PUDP: variants seen among roughly 807,000 people sequenced by gnomAD.
PUDP encodes the protein pseudouridine 5'-phosphatase, also known as pseudouridine-5'-phosphatase.
In PUDP, 8 loss-of-function variants were observed where a neutral mutation model predicts 9.4. That is an observed-to-expected ratio of 0.85 (90% CI 0.50 to 1.53). The LOEUF (loss-of-function observed/expected upper bound fraction) is 1.53, where lower values mean the gene tolerates loss of function less well. Ranked by LOEUF, PUDP falls within the 40% of genes most tolerant of loss-of-function variation. The probability of loss-of-function intolerance (pLI) is 0.00; values close to 1 mark genes in which losing one functional copy is unlikely to be tolerated. For synonymous variants in PUDP, 99 were observed against 80.7 expected (o/e 1.23, Z -1.22); for missense variants, 188 against 189.7 (o/e 0.99, Z 0.05).
In PUDP at chrX:7,140,791, C is replaced by T. The variant is rs527427139; in HGVS notation, c.61+7262G>A. On this transcript the variant is annotated intron_variant, in intron 1 of 3. Transcript: ENST00000381077. ...AAATTCAAGGTTTTTGGCAACCCTG[C>T]GTCGAGAAAGTCTATCAACACCATT... 7.1e-4 allele frequency among the ~76,000 whole-genome samples: 80 copies of T among 111,897 alleles called. 1 individual carries two copies. Among genetic ancestry groups the T allele is most frequent in the African/African-American group, 2.4e-3 (75 of 30,830 alleles).
Position 7,117,060 on chromosome X carries a change from C to A in PUDP, c.62-11222G>T, listed in dbSNP as rs1232031320. 3.4e-6 allele frequency: 4 copies of A among 1,162,528 alleles called. No individual in the cohort carries two copies. The South Asian group carries it at 5.8e-5, about 17-fold the overall frequency. The stretch of plus-strand genomic sequence containing the variant: ...CTGCAGAAATGTGAGCCAATTAAAC[C>A]GTTGTTCTTCTAAATTATCTAGACT... On this transcript the variant is annotated intron_variant, in intron 1 of 3. Transcript: ENST00000381077.
intron 3 of PUDP, among the ~76,000 whole-genome samples, chrX:6,859,730 C>T (rs2047345688): frequency 9.0e-6 from 1 of 111,311 alleles, no homozygotes; most frequent in Admixed American, 9.5e-5. Flanking sequence ...ATGGCCCCAC[C>T]CAGAGGTGGA....
intron 3 of PUDP, among the ~76,000 whole-genome samples, chrX:6,825,921 G>T (rs1167658042): frequency 9.0e-6 from 1 of 111,372 alleles, no homozygotes; most frequent in Non-Finnish European, 1.9e-5. Context: ...CAAGGCTGGG[G>T]TATGCACATA....
At chrX:6,954,761 G>A (rs1928602423) in intron 3 of PUDP, among the ~76,000 whole-genome samples, 1 of 112,300 alleles carries the variant, frequency 8.9e-6, no homozygotes, top group Non-Finnish European at 1.9e-5. Context: ...GCTTCCAGAT[G>A]TCCTGTCCCT....
chrX:6,747,204 C>G (rs1168041136), intron 3 of PUDP, among the ~76,000 whole-genome samples: 1 of 111,820 alleles, frequency 8.9e-6, no homozygotes, highest in Non-Finnish European at 1.9e-5. Context: ...TATTGATGCC[C>G]AAAGGAAGAT....
At chrX:6,845,240 CAAGGA>C (rs772847428) in intron 3 of PUDP, among the ~76,000 whole-genome samples, 106 of 111,729 alleles carry the variant, frequency 9.5e-4, no homozygotes, top group South Asian at 7.2e-3. Context: ...ATAAGACCTA[CAAGGA>C]AAGTTACTTG....
intron 3 of PUDP, among the ~76,000 whole-genome samples, chrX:6,789,081 G>A (rs1334370231): frequency 9.0e-6 from 1 of 111,394 alleles, no homozygotes; most frequent in African/African-American, 3.3e-5. Flanking sequence ...CTTGAGGTCA[G>A]GAGTTTGAGA....
intron 3 of PUDP, among the ~76,000 whole-genome samples, chrX:6,876,768 T>C (rs894882367): frequency 5.4e-5 from 6 of 110,924 alleles, no homozygotes; most frequent in African/African-American, 2.0e-4. Context: ...TCTATACATA[T>C]ATGTGTACCT....
At chrX:6,786,586 A>T (rs1326224151) in intron 3 of PUDP, among the ~76,000 whole-genome samples, 1 of 112,079 alleles carries the variant, frequency 8.9e-6, no homozygotes, top group Non-Finnish European at 1.9e-5. Flanking sequence ...TATTGCAAAC[A>T]TTCTATGCTA....
intron 2 of PUDP, among the ~76,000 whole-genome samples, chrX:6,977,380 T>C (rs1369532327): frequency 8.9e-6 from 1 of 112,080 alleles, no homozygotes; most frequent in African/African-American, 3.2e-5. Context: ...ATTGTTGACC[T>C]AGAATCAATA....
rs188302721 is a variant in PUDP at position 6,871,890 on chromosome X, T to A, written c.*247+105243A>T. Among the ~76,000 whole-genome samples the A allele has an allele frequency of 6.3e-5, 7 of 111,840 alleles. No homozygotes were observed. In the East Asian group the frequency reaches 1.1e-3, roughly 18 times the overall value. The stretch of plus-strand genomic sequence containing the variant: ...AAAAAACCATGAACTGATAGCTTTT[T>A]AAAAAAACCTTACATTTATTTATCA... On this transcript the variant is annotated intron_variant and NMD_transcript_variant, in intron 3 of 3. Coordinates refer to the PUDP transcript ENST00000655425.
chrX:6,936,809 A>G (rs1342144405), intron 3 of PUDP, among the ~76,000 whole-genome samples: 1 of 97,969 alleles, frequency 1.0e-5, no homozygotes, highest in Non-Finnish European at 2.0e-5. Flanking sequence ...AAATCAATGT[A>G]CAAAAATCAC....
At chrX:6,916,133 G>C (rs946280013) in intron 3 of PUDP, among the ~76,000 whole-genome samples, 2 of 105,861 alleles carry the variant, frequency 1.9e-5, no homozygotes, top group Non-Finnish European at 3.9e-5. Context: ...CACATGTACT[G>C]TTATCTCCTT....
chrX:7,072,303 CA>C (rs1240226499), intron 3 of PUDP, among the ~76,000 whole-genome samples: 3 of 111,446 alleles, frequency 2.7e-5, no homozygotes, highest in African/African-American at 9.8e-5. Context: ...TGGTATTATA[CA>C]AAAAAAGACA....
At chrX:6,910,789 T>C (rs966959052) in intron 3 of PUDP, among the ~76,000 whole-genome samples, 2 of 112,275 alleles carry the variant, frequency 1.8e-5, no homozygotes, top group Admixed American at 1.9e-4. Context: ...ACCATTCCTA[T>C]GCATAAATTT....
chrX:6,984,260 G>A (rs1793706880), intron 1 of PUDP, among the ~76,000 whole-genome samples: 2 of 111,819 alleles, frequency 1.8e-5, no homozygotes, highest in African/African-American at 6.5e-5. Context: ...CTGGAGAGGG[G>A]AAGGAAAAGA....
intron 1 of PUDP, among the ~76,000 whole-genome samples, chrX:7,013,725 C>T (rs1236000051): frequency 8.9e-6 from 1 of 111,924 alleles, no homozygotes; most frequent in Non-Finnish European, 1.9e-5. Context: ...TGGGCAGGTG[C>T]GGGGGCTGGA....
intron 3 of PUDP, among the ~76,000 whole-genome samples, chrX:6,927,571 C>G (rs1393688421): frequency 8.9e-6 from 1 of 111,887 alleles, no homozygotes; most frequent in African/African-American, 3.3e-5. Context: ...TTCTCAGGTG[C>G]TGTGCCCATA....
At chrX:7,062,291 G>A (rs1433069506) in intron 3 of PUDP, among the ~76,000 whole-genome samples, 4 of 111,665 alleles carry the variant, frequency 3.6e-5, no homozygotes, top group African/African-American at 1.3e-4. Flanking sequence ...GGCCCACTGT[G>A]GGGAGCCCTG....
Sources: allele counts gnomAD v4.1 joint callset (sites outside exome capture counted in the v4.1 genomes callset), GRCh38; gene constraint gnomAD v4.1.1; transcripts MANE v1.5; gene names NCBI Gene and HGNC (gene_info 2026-07-23, HGNC 2026-07-21).